ELAVL2: variants seen among roughly 807,000 people sequenced by gnomAD.
The protein encoded by ELAVL2 is ELAV-like protein 2.
ELAVL2 carries 4 observed loss-of-function variants against 34.6 expected under a neutral mutation model. The ratio of observed to expected loss-of-function variants is 0.12; its 90% CI spans 0.06 to 0.26. The LOEUF is 0.26. Among genes scored for constraint, ELAVL2 ranks in the 10% least tolerant of loss-of-function variants. ELAVL2 has a pLI of 1.00. For synonymous variants in ELAVL2, 193 were observed against 154.8 expected (o/e 1.25, Z -1.83); for missense variants, 432 against 442.8 (o/e 0.98, Z 0.22).
intron 1 of ELAVL2, among the ~76,000 whole-genome samples, chr9:23,803,486 T>C (rs1339868510): frequency 6.6e-6 from 1 of 152,150 alleles, no homozygotes; most frequent in African/African-American, 2.4e-5. Context: ...ATGCTCCATC[T>C]TCCTCTCAAA....
chr9:23,810,776 T>A (rs573741967), intron 1 of ELAVL2, among the ~76,000 whole-genome samples: 14 of 152,100 alleles, frequency 9.2e-5, no homozygotes, highest in Non-Finnish European at 2.1e-4. Context: ...AAAACATCAT[T>A]CCCAGGGAGC....
intron 5 of ELAVL2, 45 bp downstream of exon 5, chr9:23,701,334 C>T (rs368942222): frequency 6.3e-7 from 1 of 1,596,044 alleles, no homozygotes; most frequent in Non-Finnish European, 8.6e-7. Context: ...CCTGAGTATT[C>T]TCTTTCAGTT....
At chr9:23,708,020 G>C (rs1406795680) in intron 3 of ELAVL2, among the ~76,000 whole-genome samples, 1 of 151,442 alleles carries the variant, frequency 6.6e-6, no homozygotes, top group African/African-American at 2.4e-5. Flanking sequence ...TAAAGGCTTT[G>C]AAAACATACC....
At chr9:23,722,734 T>G (rs528472424) in intron 3 of ELAVL2, among the ~76,000 whole-genome samples, 2 of 152,264 alleles carry the variant, frequency 1.3e-5, no homozygotes, top group Non-Finnish European at 2.9e-5. Context: ...AACAAATCCC[T>G]TTTAACCTGA....
chr9:23,691,407 T>C lies in ELAVL2; in HGVS notation c.*1150A>G, dbSNP rs937590164. On this transcript the variant is annotated 3_prime_UTR_variant, in exon 7 of 7. Transcript: ENST00000397312. ...TGCTGATTTGCTGCAGTACAAATCATGTGCAACGTCTTTTTTCCTTAAGAC... is the reference window on the plus strand; with the variant it reads ...TGCTGATTTGCTGCAGTACAAATCACGTGCAACGTCTTTTTTCCTTAAGAC... 2.6e-5 allele frequency: 4 copies of C among 152,576 alleles called. No homozygotes were observed. Among genetic ancestry groups the C allele is most frequent in the Non-Finnish European group, 5.9e-5 (4 of 68,004 alleles). The allele number at this position is 152,576 out of a possible 1,614,324, so 9.5% of individuals were successfully genotyped here. A position where few individuals can be genotyped will look rare whatever the true frequency, so the allele number is the denominator to read the frequency against.
chr9:23,708,080 A>G (rs2039895641), intron 3 of ELAVL2, among the ~76,000 whole-genome samples: 1 of 152,042 alleles, frequency 6.6e-6, no homozygotes, highest in African/African-American at 2.4e-5. Flanking sequence ...TCTTCAGTTT[A>G]TATTGTATCT....
intron 3 of ELAVL2, among the ~76,000 whole-genome samples, chr9:23,710,982 T>G (rs1384820990): frequency 1.3e-5 from 2 of 152,150 alleles, no homozygotes; most frequent in African/African-American, 4.8e-5. Flanking sequence ...TACTTTGATC[T>G]GCTTCTAAAT....
At chr9:23,746,076 A>T (rs1165987617) in intron 2 of ELAVL2, among the ~76,000 whole-genome samples, 1 of 152,132 alleles carries the variant, frequency 6.6e-6, no homozygotes, top group Non-Finnish European at 1.5e-5. Flanking sequence ...TTCAAAATTA[A>T]ATTCAAACTT....
In ELAVL2 at chr9:23,692,416, A is replaced by G. The variant is rs1663114303; in HGVS notation, c.*141T>C. On this transcript the variant is annotated 3_prime_UTR_variant, in exon 7 of 7. Coordinates refer to ENST00000397312, the MANE Select transcript of ELAVL2 (RefSeq NM_004432.5). ...AAATACTAGCAATAAAAAATCTCAC[A>G]TATTTCTTAGGATGCTAAGTAGTCA... 7 of 845,670 alleles carry G rather than the reference A, an allele frequency of 8.3e-6. No individual in the cohort carries two copies. Among genetic ancestry groups the G allele is most frequent in the Admixed American group, 3.0e-5 (1 of 33,372 alleles). The allele number at this position is 845,670 out of a possible 1,614,324, so 52.4% of individuals were successfully genotyped here.
chr9:23,849,537 G>A, the ELAVL2 span: 4 of 152,092 alleles, frequency 2.6e-5, no homozygotes, highest in African/African-American at 7.2e-5. Flanking sequence ...GGAGTGACCC[G>A]GCTAATGTGC....
the ELAVL2 span, among the ~76,000 whole-genome samples, chr9:23,836,454 T>A: frequency 6.6e-6 from 1 of 152,212 alleles, no homozygotes; most frequent in Non-Finnish European, 1.5e-5. Context: ...AGAGTACTGA[T>A]GTATTCTAGA....
intron 2 of ELAVL2, among the ~76,000 whole-genome samples, chr9:23,750,833 T>C (rs149933249): frequency 1.1e-4 from 16 of 152,312 alleles, no homozygotes; most frequent in Admixed American, 5.2e-4. Flanking sequence ...CGTACGACAG[T>C]ACCCTTGGAG....
At chr9:23,743,538 T>C (rs1284852236) in intron 2 of ELAVL2, among the ~76,000 whole-genome samples, 1 of 152,206 alleles carries the variant, frequency 6.6e-6, no homozygotes, top group African/African-American at 2.4e-5. Flanking sequence ...CACAGAGGCT[T>C]GTCTTGTCTT....
chr9:23,827,323 C>T (rs1015441071), upstream of ELAVL2, among the ~76,000 whole-genome samples: 1 of 152,142 alleles, frequency 6.6e-6, no homozygotes, highest in Non-Finnish European at 1.5e-5. Flanking sequence ...TATTACAACC[C>T]CATATTTTAA....
At chr9:23,802,480 C>T (rs2061684909) in intron 1 of ELAVL2, among the ~76,000 whole-genome samples, 1 of 152,132 alleles carries the variant, frequency 6.6e-6, no homozygotes, top group Non-Finnish European at 1.5e-5. Flanking sequence ...TCCAATTCCA[C>T]AGCTTTATTC....
the ELAVL2 span, among the ~76,000 whole-genome samples, chr9:23,837,804 T>C: frequency 6.6e-6 from 1 of 152,178 alleles, no homozygotes; most frequent in Non-Finnish European, 1.5e-5. Context: ...CTACTTTTCA[T>C]TTCAGAAATA....
intron 3 of ELAVL2, among the ~76,000 whole-genome samples, chr9:23,729,300 A>AC (rs2045981103): frequency 6.6e-6 from 1 of 152,168 alleles, no homozygotes; most frequent in African/African-American, 2.4e-5. Context: ...ACAACTCAGG[A>AC]CCTCAGAACT....
At chr9:23,714,752 T>C (rs1436410210) in intron 3 of ELAVL2, among the ~76,000 whole-genome samples, 1 of 152,160 alleles carries the variant, frequency 6.6e-6, no homozygotes, top group Non-Finnish European at 1.5e-5. Context: ...ATGTGAAATG[T>C]GTTACAAGCT....
chr9:23,715,973 G>C (rs900682490), intron 3 of ELAVL2, among the ~76,000 whole-genome samples: 3 of 152,322 alleles, frequency 2.0e-5, no homozygotes, highest in Non-Finnish European at 4.4e-5. Context: ...ATCTGACAGA[G>C]AGAAGTACAT....
Sources: gnomAD v4.1 joint callset for allele counts (sites outside exome capture counted in the v4.1 genomes callset) on GRCh38, gnomAD v4.1.1 for gene constraint, MANE v1.5 for transcripts, NCBI Gene and HGNC (gene_info 2026-07-23, HGNC 2026-07-21) for gene names.